The following IL17RA variants were observed in gnomAD, a reference collection of about 807,000 sequenced individuals.
The protein encoded by IL17RA is interleukin-17 receptor A.
IL17RA carries 34 observed loss-of-function variants against 50.4 expected under a neutral mutation model. The ratio of observed to expected loss-of-function variants is 0.67; its 90% CI spans 0.51 to 0.90. The LOEUF (loss-of-function observed/expected upper bound fraction) is 0.90. IL17RA is among the 40% of genes least tolerant of loss of function. The pLI is 0.00. For missense variants in IL17RA, 1,276 were observed against 1,169.8 expected, an observed-to-expected ratio of 1.09 and a Z score of -1.32; for synonymous variants, 585 against 510.4, an observed-to-expected ratio of 1.15 and a Z score of -1.97.
chr22:17,103,372 C>A, intron 7 of IL17RA, 122 bp from the exon 8 acceptor site: 1 of 757,508 alleles, frequency 1.3e-6, no homozygotes. Flanking sequence ...AAAAGCATTT[C>A]TCCCCTGGCC....
chr22:17,102,416 G>C, intron 7 of IL17RA, 114 bp downstream of exon 7: 1 of 1,125,360 alleles, frequency 8.9e-7, no homozygotes. Flanking sequence ...GCGACTCAGG[G>C]CTGTGCTTAG....
chr22:17,088,305 A>T (rs1392010814), intron 1 of IL17RA, among the ~76,000 whole-genome samples: 3 of 151,796 alleles, frequency 2.0e-5, no homozygotes, highest in African/African-American at 7.3e-5. Flanking sequence ...TATTGGAGGT[A>T]TCCCTTATTT....
Position 17,113,130 on chromosome 22 carries a change from T to C in IL17RA, c.*3310T>C, listed in dbSNP as rs1332852409. 6.6e-6 allele frequency: 1 copy of C among 152,224 alleles called. No individual in the cohort carries two copies. The highest frequency in any genetic ancestry group is 2.4e-5 in the African/African-American group (1 of 41,456). 9.4% of individuals were successfully genotyped at this position (152,224 alleles called of 1,614,324 possible). A position where few individuals can be genotyped will look rare whatever the true frequency, so the allele number is the denominator to read the frequency against. ...GGTCTCTGAAACATCCATTCAGCAG[T>C]TTGAGCTGGGATCTCTGAATGCAAG... On this transcript the variant is annotated 3_prime_UTR_variant, in exon 13 of 13. Coordinates refer to ENST00000319363, the MANE Select transcript of IL17RA (RefSeq NM_014339.7).
intron 11 of IL17RA, among the ~76,000 whole-genome samples, chr22:17,106,311 C>T (rs1310016464): frequency 6.6e-6 from 1 of 152,208 alleles, no homozygotes; most frequent in East Asian, 1.9e-4. Context: ...ACGTGGACGC[C>T]TGGGGTCAGG....
At position 17,108,942 on chromosome 22, in the gene IL17RA, C is replaced by T. The variant is rs761896397; in HGVS notation, c.1723C>T (p.Arg575Trp). The change falls in exon 13 of 13, where the codon CGG becomes TGG. Residue 575 changes from arginine to tryptophan, a missense_variant. Transcript: ENST00000319363. ...GCTCCGCGCCGCCCTGGACAGGTTC[C>T]GGGACTGGCAGGTCCGCTGTCCCGA... ...RQLRAALDRF[R>W]DWQVRCPDWF... is the part of the protein sequence containing the mutation. 10 of 1,611,100 alleles carry T rather than the reference C, an allele frequency of 6.2e-6. No homozygotes were observed. In the African/African-American group the frequency reaches 9.3e-5, roughly 15 times the overall value.
At position 17,109,008 on chromosome 22, in the gene IL17RA, G is replaced by A. The variant is rs1262736574; in HGVS notation, c.1789G>A (p.Asp597Asn). ...CENLYSADDQ[D>N]APSLDEEVFE... The stretch of plus-strand genomic sequence containing the variant: ...GAACCTCTACTCAGCAGATGACCAG[G>A]ATGCCCCGTCCCTGGACGAAGAGGT... The change falls in exon 13 of 13, where the codon GAT becomes AAT. Residue 597 changes from aspartate to asparagine, a missense_variant. Physicochemically the swap from Asp to Asn is conservative, Grantham distance 23 (BLOSUM62 1). Coordinates refer to ENST00000319363, the MANE Select transcript of IL17RA (RefSeq NM_014339.7). 2.5e-6 allele frequency: 4 copies of A among 1,600,236 alleles called. No homozygotes were observed. Among genetic ancestry groups the A allele is most frequent in the South Asian group, 1.1e-5 (1 of 90,722 alleles).
rs768137463 is a variant in IL17RA at position 17,109,448 on chromosome 22, C to G, written c.2229C>G (p.Asp743Glu). 23 of 1,613,226 alleles carry G rather than the reference C, an allele frequency of 1.4e-5. No individual in the cohort carries two copies. Among genetic ancestry groups the G allele is most frequent in the Non-Finnish European group, 1.9e-5 (22 of 1,179,988 alleles). ...PMASPDLLPE[D>E]VREHLEGLML... is the part of the protein sequence containing the mutation. ...CGTCTCCTGACCTCCTTCCAGAGGA[C>G]GTGAGGGAGCACCTCGAAGGCTTGA... Residue 743 changes from aspartate (D) to glutamate (E), a missense_variant, in exon 13 of 13, where the codon GAC becomes GAG. Asp to Glu is a conservative substitution (Grantham distance 45, BLOSUM62 2). Transcript: ENST00000319363.
intron 1 of IL17RA, among the ~76,000 whole-genome samples, chr22:17,093,056 G>A (rs1373464343): frequency 2.0e-5 from 3 of 151,894 alleles, no homozygotes; most frequent in African/African-American, 7.3e-5. Context: ...TGGTTTAATT[G>A]TGTTAACAGC....
At chr22:17,096,169 G>A (rs2061367557) in intron 1 of IL17RA, among the ~76,000 whole-genome samples, 1 of 152,128 alleles carries the variant, frequency 6.6e-6, no homozygotes, top group Non-Finnish European at 1.5e-5. Flanking sequence ...CATTTCCCTG[G>A]TAGCATTTGT....
chr22:17,100,393 C>A lies in IL17RA; in HGVS notation c.462C>A (p.Asp154Glu). ...FTFSHFVVDP[D>E]QEYEVTVHHL... ...TCAGCCACTTTGTGGTTGACCCTGA[C>A]CAGGAATATGAGGTGACCGTTCACC... is the stretch of plus-strand genomic sequence containing the variant. The change falls in exon 5 of 13, where the codon GAC becomes GAA. Residue 154 changes from aspartate (D) to glutamate (E), a missense_variant. Physicochemically the swap from Asp to Glu is conservative, Grantham distance 45. Coordinates refer to ENST00000319363, the MANE Select transcript of IL17RA (RefSeq NM_014339.7). The A allele has an allele frequency of 6.2e-7, 1 of 1,614,094 alleles. No homozygotes were observed. The highest frequency in any genetic ancestry group is 8.5e-7 in the Non-Finnish European group (1 of 1,179,990).
At chr22:17,104,674 G>C in intron 8 of IL17RA, 52 bp from the exon 9 acceptor site, 4 of 1,531,264 alleles carry the variant, frequency 2.6e-6, no homozygotes, top group Non-Finnish European at 3.6e-6. Flanking sequence ...TGGCTGGAAG[G>C]CATGGGCGCT....
chr22:17,095,821 C>T (rs2061366503), intron 1 of IL17RA, among the ~76,000 whole-genome samples: 1 of 152,262 alleles, frequency 6.6e-6, no homozygotes, highest in South Asian at 2.1e-4. Context: ...GCGAGAAGCA[C>T]TTATGAACTG....
In IL17RA at chr22:17,109,458, C is replaced by A. The variant is rs753883526; in HGVS notation, c.2239C>A (p.His747Asn). ...CCTCCTTCCAGAGGACGTGAGGGAG[C>A]ACCTCGAAGGCTTGATGCTCTCGCT... ...PDLLPEDVRE[H>N]LEGLMLSLFE... The change falls in exon 13 of 13, where the codon CAC (histidine) becomes AAC (asparagine). Residue 747 changes from histidine to asparagine, a missense_variant. Physicochemically the swap from His to Asn is moderately conservative, Grantham distance 68. Coordinates refer to ENST00000319363, the MANE Select transcript of IL17RA (RefSeq NM_014339.7). The A allele has an allele frequency of 6.2e-7, 1 of 1,613,174 alleles. No individual in the cohort carries two copies. The highest frequency in any genetic ancestry group is 1.1e-5 in the South Asian group (1 of 90,974).
intron 11 of IL17RA, among the ~76,000 whole-genome samples, chr22:17,107,218 A>G (rs904282636): frequency 6.6e-6 from 1 of 152,138 alleles, no homozygotes; most frequent in African/African-American, 2.4e-5. Context: ...AAGTGTGGTA[A>G]GATGCATGTC....
In IL17RA at chr22:17,103,507, A is replaced by AGT. The variant is rs1180321049; in HGVS notation, c.777_778dup (p.Phe260CysfsTer85). ...CTCTCTCCTCAGCCCAGACCAGAAGAGTTCCACCAGCGATCCAACGTCACA... is the reference window on the plus strand; with the variant it reads ...CTCTCTCCTCAGCCCAGACCAGAAGAGTGTTCCACCAGCGATCCAACGTCACA... On this transcript the variant is annotated frameshift_variant, in exon 8 of 13. Coordinates refer to ENST00000319363, the MANE Select transcript of IL17RA (RefSeq NM_014339.7). LOFTEE classifies it high-confidence loss of function. The AGT allele has an allele frequency of 2.5e-6, 4 of 1,613,568 alleles. No homozygotes were observed. Among genetic ancestry groups the AGT allele is most frequent in the Non-Finnish European group, 3.4e-6 (4 of 1,179,884 alleles).
rs1002733639 is a variant in IL17RA, at chr22:17,100,406, G to A, written c.475G>A (p.Val159Met). 6.2e-7 allele frequency: 1 copy of A among 1,614,076 alleles called. No individual in the cohort carries two copies. Among genetic ancestry groups the A allele is most frequent in the Non-Finnish European group, 8.5e-7 (1 of 1,179,988 alleles). ...FVVDPDQEYE[V>M]TVHHLPKPIP... ...GGTTGACCCTGACCAGGAATATGAG[G>A]TGACCGTTCACCACCTGCCCAAGCC... Residue 159 changes from valine (V) to methionine (M), a missense_variant, in exon 5 of 13, where the codon GTG becomes ATG. Physicochemically the swap from Val to Met is conservative, Grantham distance 21 (BLOSUM62 1). Coordinates refer to ENST00000319363, the MANE Select transcript of IL17RA (RefSeq NM_014339.7).
intron 1 of IL17RA, among the ~76,000 whole-genome samples, chr22:17,087,123 T>C (rs1415827348): frequency 2.6e-5 from 4 of 152,256 alleles, no homozygotes; most frequent in African/African-American, 9.6e-5. Context: ...TAGACAGCTC[T>C]GGGCTCCATT....
chr22:17,109,498 T>A lies in IL17RA; in HGVS notation c.2279T>A (p.Leu760Gln). The A allele has an allele frequency of 6.2e-7, 1 of 1,606,446 alleles. No individual in the cohort carries two copies. The highest frequency in any genetic ancestry group is 8.5e-7 in the Non-Finnish European group (1 of 1,176,402). The change falls in exon 13 of 13, where the codon CTG becomes CAG. Residue 760 changes from leucine (L) to glutamine (Q), a missense_variant. Coordinates refer to ENST00000319363, the MANE Select transcript of IL17RA (RefSeq NM_014339.7). ...GLMLSLFEQS[L>Q]SCQAQGGCSR... ...ATGCTCTCGCTCTTCGAGCAGAGTCTGAGCTGCCAGGCCCAGGGGGGCTGC... is the reference window on the plus strand; with the variant it reads ...ATGCTCTCGCTCTTCGAGCAGAGTCAGAGCTGCCAGGCCCAGGGGGGCTGC...
At position 17,091,549 on chromosome 22, in the gene IL17RA, G is replaced by A. The variant is rs551582433; in HGVS notation, c.139-5513G>A. Among the ~76,000 whole-genome samples the A allele has an allele frequency of 2.9e-4, 44 of 152,198 alleles. No homozygotes were observed. The East Asian group carries it at 8.3e-3, about 29-fold the overall frequency. The stretch of plus-strand genomic sequence containing the variant: ...AAAAAATTAGCCAGGCGTGGTGGTG[G>A]CGCCTGTAGTCCCAGCTACTTGGGA... On this transcript the variant is annotated intron_variant, in intron 1 of 12. Coordinates refer to ENST00000319363, the MANE Select transcript of IL17RA (RefSeq NM_014339.7).
Sources: allele counts gnomAD v4.1 joint callset (sites outside exome capture counted in the v4.1 genomes callset), GRCh38; gene constraint gnomAD v4.1.1; transcripts MANE v1.5; gene names NCBI Gene and HGNC (gene_info 2026-07-23, HGNC 2026-07-21).